Variants in GRIN2B observed in about 807,000 individuals in gnomAD.
GRIN2B encodes glutamate ionotropic receptor NMDA type subunit 2B.
A neutral mutation model predicts 114.5 loss-of-function variants in GRIN2B; 5 were observed. The ratio of observed to expected loss-of-function variants is 0.04; its 90% CI spans 0.02 to 0.09. The LOEUF is 0.09. GRIN2B is among the 10% of genes least tolerant of loss of function. The pLI is 1.00. For synonymous variants in GRIN2B, 787 were observed against 745.1 expected, an observed-to-expected ratio of 1.06 and a Z score of -0.92; for missense variants, 1,108 against 1,943.5, an observed-to-expected ratio of 0.57 and a Z score of 8.08.
chr12:13,935,125 G>A (rs778171637), intron 2 of GRIN2B, among the ~76,000 whole-genome samples: 1 of 152,176 alleles, frequency 6.6e-6, no homozygotes, highest in African/African-American at 2.4e-5. Flanking sequence ...AGAAAAGTAT[G>A]TGGAAACGTA....
At chr12:13,924,544 T>G (rs994009587) in intron 2 of GRIN2B, among the ~76,000 whole-genome samples, 1 of 152,098 alleles carries the variant, frequency 6.6e-6, no homozygotes, top group Non-Finnish European at 1.5e-5. Context: ...TAGAGGGAGC[T>G]GGGGAAAGGG....
intron 3 of GRIN2B, among the ~76,000 whole-genome samples, chr12:13,819,409 T>C (rs2136691692): frequency 6.6e-6 from 1 of 151,996 alleles, no homozygotes. Context: ...CAAGGTTCTA[T>C]GCATCTTCAA....
chr12:13,804,477 A>G (rs1243834992), intron 3 of GRIN2B, among the ~76,000 whole-genome samples: 1 of 152,108 alleles, frequency 6.6e-6, no homozygotes, highest in African/African-American at 2.4e-5. Flanking sequence ...ATCCAAACAT[A>G]AGATATCTGA....
chr12:13,712,757 T>C (rs1950425681), intron 4 of GRIN2B, among the ~76,000 whole-genome samples: 1 of 151,900 alleles, frequency 6.6e-6, no homozygotes, highest in Non-Finnish European at 1.5e-5. Flanking sequence ...TGCTATAAAG[T>C]ATAGGGCGTA....
chr12:13,856,620 C>T (rs745942355), intron 3 of GRIN2B, among the ~76,000 whole-genome samples: 1 of 152,040 alleles, frequency 6.6e-6, no homozygotes, highest in African/African-American at 2.4e-5. Flanking sequence ...TTCTATAATG[C>T]TTCTCCTTCC....
At chr12:13,656,960 C>T (rs537948770) in intron 5 of GRIN2B, among the ~76,000 whole-genome samples, 1 of 152,154 alleles carries the variant, frequency 6.6e-6, no homozygotes, top group South Asian at 2.1e-4. Flanking sequence ...CATGATAATC[C>T]AAGGGGAAGG....
At chr12:13,935,033 C>T (rs1228130604) in intron 2 of GRIN2B, among the ~76,000 whole-genome samples, 5 of 152,054 alleles carry the variant, frequency 3.3e-5, no homozygotes, top group African/African-American at 1.2e-4. Context: ...TAAAAGAAGA[C>T]CCAAGTTTTC....
At chr12:13,732,341 A>T (rs544228327) in intron 4 of GRIN2B, among the ~76,000 whole-genome samples, 1 of 152,334 alleles carries the variant, frequency 6.6e-6, no homozygotes, top group South Asian at 2.1e-4. Context: ...TCACAATTCC[A>T]TTCAGGTCAA....
chr12:13,790,015 T>C (rs1841790205), intron 3 of GRIN2B, among the ~76,000 whole-genome samples: 1 of 152,230 alleles, frequency 6.6e-6, no homozygotes, highest in African/African-American at 2.4e-5. Flanking sequence ...TAGCCCCTGA[T>C]ACTTGAGGTA....
intron 3 of GRIN2B, among the ~76,000 whole-genome samples, chr12:13,763,043 A>G (rs1863711129): frequency 6.6e-6 from 1 of 152,078 alleles, no homozygotes; most frequent in Non-Finnish European, 1.5e-5. Flanking sequence ...TCCCAAACCA[A>G]TTTGGTCCTC....
intron 5 of GRIN2B, among the ~76,000 whole-genome samples, chr12:13,620,611 G>A (rs1949500729): frequency 6.6e-6 from 1 of 152,062 alleles, no homozygotes; most frequent in South Asian, 2.1e-4. Flanking sequence ...TTCTAAACAT[G>A]TCTCTGAGTA....
Position 13,557,243 on chromosome 12 carries a change from A to C in GRIN2B, c.*5540T>G, listed in dbSNP as rs1295741293. 2 of 152,156 alleles carry C rather than the reference A, an allele frequency of 1.3e-5. No individual in the cohort carries two copies. Among genetic ancestry groups the C allele is most frequent in the Non-Finnish European group, 2.9e-5 (2 of 68,032 alleles). 9.4% of individuals were successfully genotyped at this position (152,156 alleles called of 1,614,324 possible). A position where few individuals can be genotyped will look rare whatever the true frequency, so the allele number is the denominator to read the frequency against. Reference sequence around the variant, plus strand: ...TCAGATCAATATTAGACATTCTCAGACTGACTAATCTGCCATTTTAGTGTC... The same window carrying C: ...TCAGATCAATATTAGACATTCTCAGCCTGACTAATCTGCCATTTTAGTGTC... On this transcript the variant is annotated 3_prime_UTR_variant, in exon 14 of 14. Transcript: ENST00000609686.
chr12:13,835,771 TAAAAAAAAAAAAAAAAAA>T (rs1165005583), intron 3 of GRIN2B, among the ~76,000 whole-genome samples: 2 of 91,494 alleles, frequency 2.2e-5, no homozygotes, highest in African/African-American at 8.9e-5. Flanking sequence ...CATAGCACAT[TAAAAAAAAAAAAAAAAAA>T]AAAAAAGAAA....
At chr12:13,956,020 G>A (rs1455789483) in intron 2 of GRIN2B, among the ~76,000 whole-genome samples, 1 of 152,208 alleles carries the variant, frequency 6.6e-6, no homozygotes, top group Admixed American at 6.5e-5. Flanking sequence ...CCTGTTTGAA[G>A]GATATGGGAA....
At chr12:13,749,519 G>A (rs1863443698) in intron 4 of GRIN2B, among the ~76,000 whole-genome samples, 1 of 152,216 alleles carries the variant, frequency 6.6e-6, no homozygotes, top group South Asian at 2.1e-4. Flanking sequence ...TTGCTGAGAG[G>A]AGAATAGCAG....
chr12:13,571,195 A>T (rs1948704040), intron 11 of GRIN2B, among the ~76,000 whole-genome samples: 1 of 152,166 alleles, frequency 6.6e-6, no homozygotes, highest in Non-Finnish European at 1.5e-5. Context: ...AACATCTATA[A>T]TGCTCTGTTA....
chr12:13,728,704 C>A (rs1017536613), intron 4 of GRIN2B, among the ~76,000 whole-genome samples: 10 of 152,194 alleles, frequency 6.6e-5, no homozygotes, highest in African/African-American at 2.2e-4. Flanking sequence ...GTACACACAG[C>A]CAATGCTCAG....
intron 4 of GRIN2B, among the ~76,000 whole-genome samples, chr12:13,752,732 G>A (rs1462333972): frequency 6.6e-6 from 1 of 152,152 alleles, no homozygotes; most frequent in Non-Finnish European, 1.5e-5. Context: ...TAAAGGCAGA[G>A]GCTGGAGGAG....
intron 10 of GRIN2B, among the ~76,000 whole-genome samples, chr12:13,597,506 C>T (rs1444198781): frequency 6.6e-6 from 1 of 152,204 alleles, no homozygotes; most frequent in Non-Finnish European, 1.5e-5. Flanking sequence ...GGGGACCATC[C>T]CTTTATCTGC....
Sources: allele counts gnomAD v4.1 joint callset (sites outside exome capture counted in the v4.1 genomes callset), GRCh38; gene constraint gnomAD v4.1.1; transcripts MANE v1.5; gene names NCBI Gene and HGNC (gene_info 2026-07-23, HGNC 2026-07-21).